TBL1X: variants seen among roughly 807,000 people sequenced by gnomAD.
TBL1X encodes F-box-like/WD repeat-containing protein TBL1X.
Under a neutral mutation model 50.7 loss-of-function variants are expected in TBL1X, and 10 were observed. The ratio of observed to expected loss-of-function variants is 0.20; its 90% CI spans 0.12 to 0.33. TBL1X has a LOEUF of 0.33. Among genes scored for constraint, TBL1X ranks in the 10% least tolerant of loss-of-function variants. TBL1X has a pLI of 1.00. For synonymous variants in TBL1X, 190 were observed against 214.7 expected (o/e 0.88, Z 1.01); for missense variants, 340 against 504.4 (o/e 0.67, Z 3.12).
At chrX:9,643,269 G>T (rs143701524) in intron 3 of TBL1X, among the ~76,000 whole-genome samples, 177 of 111,156 alleles carry the variant, frequency 1.6e-3, no homozygotes, top group African/African-American at 5.4e-3. Context: ...GCTGTCAAAT[G>T]TCCCGCAGTT....
At chrX:9,546,031 A>G (rs1426919397) in intron 2 of TBL1X, among the ~76,000 whole-genome samples, 1 of 111,499 alleles carries the variant, frequency 9.0e-6, no homozygotes, top group Non-Finnish European at 1.9e-5. Context: ...GGAACTCAGA[A>G]TCTCCTTCTC....
Position 9,552,473 on chromosome X carries a change from C to T in TBL1X, c.-131+50624C>T, listed in dbSNP as rs747813684. 3.0e-4 allele frequency among the ~76,000 whole-genome samples: 33 copies of T among 111,860 alleles called. No individual in the cohort carries two copies. The East Asian group carries it at 5.9e-3, about 20-fold the overall frequency. On this transcript the variant is annotated intron_variant, in intron 2 of 17. Coordinates refer to ENST00000645353, the MANE Select transcript of TBL1X (RefSeq NM_005647.4). ...TTCTTTGTATCACTCCGACTTAAAC[C>T]ACGACACTTCCAAGGCAGAGTCTAA...
rs192385952 is a variant in TBL1X, at chrX:9,698,574, T to C, written c.1114+1145T>C. Among the ~76,000 whole-genome samples the C allele has an allele frequency of 4.5e-5, 5 of 111,547 alleles. No individual in the cohort carries two copies. In the East Asian group the frequency reaches 1.4e-3, roughly 32 times the overall value. On this transcript the variant is annotated intron_variant, in intron 12 of 17. Transcript: ENST00000645353. The stretch of plus-strand genomic sequence containing the variant: ...CATAGAGTCTCAGTGCCCAGAGTTT[T>C]TATTGGGGGTTGGCCGTGTAAGCAC...
At chrX:9,500,187 G>C in intron 1 of TBL1X, among the ~76,000 whole-genome samples, 1 of 105,641 alleles carries the variant, frequency 9.5e-6, no homozygotes, top group Middle Eastern at 5.0e-3. Flanking sequence ...TGAAGCAGGA[G>C]GATCACTTGA....
chrX:9,564,594 G>A (rs998396785), intron 2 of TBL1X, among the ~76,000 whole-genome samples: 1 of 111,122 alleles, frequency 9.0e-6, no homozygotes, highest in Non-Finnish European at 1.9e-5. Context: ...TTAGCTGGGC[G>A]TGGTGGCGCG....
chrX:9,536,921 G>A (rs2082190910), intron 2 of TBL1X, among the ~76,000 whole-genome samples: 2 of 111,917 alleles, frequency 1.8e-5, no homozygotes, highest in African/African-American at 3.3e-5. Flanking sequence ...GGTGCAAAGC[G>A]TTTACAAAAG....
At chrX:9,485,917 T>C (rs1038585845) in intron 1 of TBL1X, among the ~76,000 whole-genome samples, 1 of 111,406 alleles carries the variant, frequency 9.0e-6, no homozygotes, top group Non-Finnish European at 1.9e-5. Context: ...TTTATTTTAT[T>C]TTTTTAAGTT....
chrX:9,464,852 G>A (rs975208327), upstream of TBL1X, among the ~76,000 whole-genome samples: 4 of 110,589 alleles, frequency 3.6e-5, no homozygotes, highest in Non-Finnish European at 7.6e-5. Flanking sequence ...ACAGGGGCTG[G>A]GTTGGGACGC....
intron 6 of TBL1X, among the ~76,000 whole-genome samples, chrX:9,685,035 G>A (rs974664155): frequency 4.4e-5 from 5 of 112,520 alleles, no homozygotes; most frequent in Admixed American, 1.9e-4. Context: ...TACCGGGCTC[G>A]TTGTAGAGCA....
chrX:9,521,487 T>C (rs1305440927), intron 2 of TBL1X, among the ~76,000 whole-genome samples: 2 of 111,788 alleles, frequency 1.8e-5, no homozygotes, highest in African/African-American at 3.3e-5. Context: ...CCTCATTTAG[T>C]GTACTTGAGT....
intron 1 of TBL1X, among the ~76,000 whole-genome samples, chrX:9,491,338 A>ATATATATATTTT (rs1328551249): frequency 3.2e-5 from 1 of 31,316 alleles, no homozygotes; most frequent in Admixed American, 6.0e-4. Flanking sequence ...ATATATATAT[A>ATATATATATTTT]TTTTTTTTTT....
At chrX:9,634,543 G>A (rs778601877) in intron 2 of TBL1X, among the ~76,000 whole-genome samples, 2 of 111,155 alleles carry the variant, frequency 1.8e-5, no homozygotes, top group Admixed American at 1.9e-4. Flanking sequence ...ATAGAGATGG[G>A]GTCTTGCTAT....
intron 13 of TBL1X, among the ~76,000 whole-genome samples, chrX:9,705,821 T>A (rs2083204065): frequency 1.8e-5 from 2 of 110,534 alleles, no homozygotes; most frequent in African/African-American, 6.6e-5. Flanking sequence ...CAGTTCTCAA[T>A]TCTCTCATTG....
intron 16 of TBL1X, among the ~76,000 whole-genome samples, chrX:9,714,559 C>G (rs1366000770): frequency 8.9e-6 from 1 of 111,989 alleles, no homozygotes; most frequent in Admixed American, 9.4e-5. Context: ...TTTGGTCGTG[C>G]TGATGGAGAG....
At chrX:9,707,484 T>C (rs972251776) in intron 13 of TBL1X, among the ~76,000 whole-genome samples, 4 of 112,605 alleles carry the variant, frequency 3.6e-5, no homozygotes, top group Non-Finnish European at 7.5e-5. Flanking sequence ...TTAATGTGGC[T>C]GATGGCCCTG....
chrX:9,666,079 G>T (rs2082928991), intron 5 of TBL1X, among the ~76,000 whole-genome samples: 1 of 111,665 alleles, frequency 9.0e-6, no homozygotes, highest in African/African-American at 3.3e-5. Flanking sequence ...GGATTGCCTT[G>T]CAGTGGAATG....
At chrX:9,586,108 A>G (rs1426793697) in intron 2 of TBL1X, among the ~76,000 whole-genome samples, 1 of 112,366 alleles carries the variant, frequency 8.9e-6, no homozygotes, top group Non-Finnish European at 1.9e-5. Flanking sequence ...TAAAACTAGA[A>G]TTATCAGATG....
chrX:9,604,301 A>G (rs774818745), intron 2 of TBL1X, among the ~76,000 whole-genome samples: 3 of 112,433 alleles, frequency 2.7e-5, no homozygotes, highest in South Asian at 7.4e-4. Flanking sequence ...TGAAAGGGCA[A>G]TAGAACCATG....
At chrX:9,610,741 A>T (rs758878404) in intron 2 of TBL1X, among the ~76,000 whole-genome samples, 2 of 112,237 alleles carry the variant, frequency 1.8e-5, no homozygotes, top group African/African-American at 3.2e-5. Flanking sequence ...TTTTCCCTTT[A>T]AAGAAAGCTT....
Sources: gnomAD v4.1 joint callset for allele counts (sites outside exome capture counted in the v4.1 genomes callset) on GRCh38, gnomAD v4.1.1 for gene constraint, MANE v1.5 for transcripts, NCBI Gene and HGNC (gene_info 2026-07-23, HGNC 2026-07-21) for gene names.